The following LMNTD1 variants were observed in gnomAD, a reference collection of about 807,000 sequenced individuals.
LMNTD1 encodes the protein lamin tail domain-containing protein 1.
A neutral mutation model predicts 50.9 loss-of-function variants in LMNTD1; 35 were observed. That is an observed-to-expected ratio of 0.69 (90% CI 0.53 to 0.91). The LOEUF is 0.91. LMNTD1 is among the 40% of genes least tolerant of loss of function. The pLI is 0.00. For missense variants in LMNTD1, 470 were observed against 475.5 expected (o/e 0.99, Z 0.11); for synonymous variants, 153 against 161.9 (o/e 0.94, Z 0.42).
chr12:25,561,738 G>A (rs1464555739), intron 1 of LMNTD1, among the ~76,000 whole-genome samples: 1 of 152,076 alleles, frequency 6.6e-6, no homozygotes, highest in African/African-American at 2.4e-5. Context: ...GTTGGCAGTG[G>A]GGTGTTAAAA....
chr12:25,519,831 A>C (rs2136038532), intron 7 of LMNTD1, 27 bp downstream of exon 7: 10 of 1,522,020 alleles, frequency 6.6e-6, no homozygotes, highest in Non-Finnish European at 9.1e-6. Flanking sequence ...AGGACCCATT[A>C]AAACAAACAA....
At position 25,589,357 on chromosome 12, in the gene LMNTD1, T is replaced by C. The variant is rs746397979; in HGVS notation, c.59-42803A>G. Reference sequence around the variant, plus strand: ...TTACAAAATTATAGGCACACACATATATGCACGTTAGGGATACATACAACA... The same window carrying C: ...TTACAAAATTATAGGCACACACATACATGCACGTTAGGGATACATACAACA... On this transcript the variant is annotated intron_variant, in intron 1 of 7. Coordinates refer to the LMNTD1 transcript ENST00000445693. Among the ~76,000 whole-genome samples, 85 of 152,262 alleles carry C rather than the reference T, an allele frequency of 5.6e-4. 1 individual carries two copies. Among genetic ancestry groups the C allele is most frequent in the Non-Finnish European group, 1.1e-3 (72 of 68,018 alleles).
intron 1 of LMNTD1, among the ~76,000 whole-genome samples, chr12:25,571,066 T>C (rs983206717): frequency 6.6e-6 from 1 of 152,224 alleles, no homozygotes; most frequent in Admixed American, 6.5e-5. Context: ...CTTGGTTTAA[T>C]GATCTGTTGT....
At chr12:25,606,443 A>C (rs1946105427) in intron 1 of LMNTD1, among the ~76,000 whole-genome samples, 1 of 152,202 alleles carries the variant, frequency 6.6e-6, no homozygotes, top group South Asian at 2.1e-4. Flanking sequence ...GTTTTTGTCC[A>C]TTCAGTATGA....
chr12:25,609,648 C>T (rs569534889), intron 1 of LMNTD1, among the ~76,000 whole-genome samples: 13 of 152,288 alleles, frequency 8.5e-5, no homozygotes, highest in East Asian at 3.9e-4. Context: ...GTATCACCAG[C>T]GGAGGCTGCA....
intron 1 of LMNTD1, among the ~76,000 whole-genome samples, chr12:25,573,748 T>A (rs1453312836): frequency 6.6e-6 from 1 of 152,198 alleles, no homozygotes; most frequent in African/African-American, 2.4e-5. Context: ...TCCTCGCGGC[T>A]TGATTTTGAT....
intron 1 of LMNTD1, among the ~76,000 whole-genome samples, chr12:25,606,478 T>C (rs1200440887): frequency 6.6e-6 from 1 of 152,202 alleles, no homozygotes; most frequent in Admixed American, 6.5e-5. Flanking sequence ...TTGTCATAGA[T>C]AGCACTTATT....
chr12:25,595,535 C>A (rs1327941291), intron 1 of LMNTD1, among the ~76,000 whole-genome samples: 13 of 151,952 alleles, frequency 8.6e-5, no homozygotes, highest in Admixed American at 8.5e-4. Context: ...AACTGAATGA[C>A]AATTGTGATA....
chr12:25,530,040 C>T (rs1942112063), intron 4 of LMNTD1, among the ~76,000 whole-genome samples: 1 of 152,114 alleles, frequency 6.6e-6, no homozygotes, highest in Admixed American at 6.6e-5. Flanking sequence ...ATTTTCCTAT[C>T]ATAGGTACAA....
chr12:25,594,665 A>C (rs1282975905), intron 1 of LMNTD1, among the ~76,000 whole-genome samples: 4 of 150,584 alleles, frequency 2.7e-5, no homozygotes, highest in African/African-American at 7.3e-5. Context: ...AAAAAAAAAA[A>C]AAAAAAAAAA....
chr12:25,547,187 G>A (rs1330497506), intron 3 of LMNTD1: 4 of 962,580 alleles, frequency 4.2e-6, no homozygotes, highest in Non-Finnish European at 4.9e-6. Flanking sequence ...GAGCCATTCT[G>A]GACAAATCTA....
At chr12:25,491,483 C>G (rs745631527) in intron 9 of LMNTD1, among the ~76,000 whole-genome samples, 1 of 152,152 alleles carries the variant, frequency 6.6e-6, no homozygotes, top group Non-Finnish European at 1.5e-5. Flanking sequence ...GGAGAAAGTC[C>G]TTGAGAAATT....
At chr12:25,576,856 A>C (rs542732165) in intron 1 of LMNTD1, among the ~76,000 whole-genome samples, 275 of 152,074 alleles carry the variant, frequency 1.8e-3, no homozygotes, top group Admixed American at 6.0e-3. Flanking sequence ...TCCATCTTGA[A>C]TTGATTTTTG....
At chr12:25,609,113 C>T (rs946375849) in intron 1 of LMNTD1, among the ~76,000 whole-genome samples, 8 of 152,100 alleles carry the variant, frequency 5.3e-5, no homozygotes, top group South Asian at 2.1e-4. Context: ...TTGATTGAAT[C>T]GGCTACTGAA....
At chr12:25,634,460 C>T (rs1946784229) in intron 1 of LMNTD1, among the ~76,000 whole-genome samples, 1 of 152,178 alleles carries the variant, frequency 6.6e-6, no homozygotes, top group Non-Finnish European at 1.5e-5. Context: ...AATCCAACAA[C>T]ATATCAAAAA....
chr12:25,580,804 C>A (rs1401925854), intron 1 of LMNTD1, among the ~76,000 whole-genome samples: 1 of 152,152 alleles, frequency 6.6e-6, no homozygotes, highest in Non-Finnish European at 1.5e-5. Flanking sequence ...ACTTTGAAAT[C>A]AGACAAACCG....
At chr12:25,488,969 G>T (rs1233964933) in intron 9 of LMNTD1, among the ~76,000 whole-genome samples, 3 of 152,232 alleles carry the variant, frequency 2.0e-5, no homozygotes, top group Non-Finnish European at 4.4e-5. Context: ...CCCACTTGAG[G>T]AGGCAGTGTG....
At chr12:25,622,463 G>GCACCCCCCCCC (rs1555124240) in intron 1 of LMNTD1, among the ~76,000 whole-genome samples, 1 of 111,154 alleles carries the variant, frequency 9.0e-6, no homozygotes, top group Admixed American at 9.9e-5. Context: ...GAGTTTGTGA[G>GCACCCCCCCCC]CCCGCCCCCC....
chr12:25,569,578 C>T (rs1043188288), intron 1 of LMNTD1, among the ~76,000 whole-genome samples: 1 of 152,076 alleles, frequency 6.6e-6, no homozygotes, highest in African/African-American at 2.4e-5. Flanking sequence ...ATATTTGTCC[C>T]CACCCTAGTG....
Sources: allele counts gnomAD v4.1 joint callset (sites outside exome capture counted in the v4.1 genomes callset), GRCh38; gene constraint gnomAD v4.1.1; transcripts MANE v1.5; gene names NCBI Gene and HGNC (gene_info 2026-07-23, HGNC 2026-07-21).